ADAMTS6: variants seen among roughly 807,000 people sequenced by gnomAD.
ADAMTS6 encodes the protein ADAM metallopeptidase with thrombospondin type 1 motif 6.
In ADAMTS6, 23 loss-of-function variants were observed where a neutral mutation model predicts 144.3. The observed-to-expected ratio is 0.16, with a 90% confidence interval of 0.11 to 0.23. The LOEUF (loss-of-function observed/expected upper bound fraction) is 0.23. ADAMTS6 is among the 10% of genes least tolerant of loss of function. The pLI, the probability that ADAMTS6 is intolerant of heterozygous loss-of-function variation, is 1.00. For synonymous variants in ADAMTS6, 444 were observed against 457.5 expected (o/e 0.97, Z 0.38); for missense variants, 999 against 1,379.6 (o/e 0.72, Z 4.37).
rs548975888 is a variant in ADAMTS6 at position 65,194,151 on chromosome 5, C to T, written c.2705+2871G>A. On this transcript the variant is annotated intron_variant, in intron 21 of 24. Coordinates refer to ENST00000381055, the MANE Select transcript of ADAMTS6 (RefSeq NM_197941.4). ...AGTAGCCTTTCTATGATTTCTATCT[C>T]TATAATACCAATGTCAACTGGGAAT... Among the ~76,000 whole-genome samples the T allele has an allele frequency of 3.3e-5, 5 of 152,286 alleles. No individual in the cohort carries two copies. The East Asian group carries it at 9.6e-4, about 29-fold the overall frequency.
intron 17 of ADAMTS6, 87 bp downstream of exon 17, chr5:65,224,837 T>A: frequency 7.0e-7 from 1 of 1,438,032 alleles, no homozygotes; most frequent in Non-Finnish European, 9.2e-7. Flanking sequence ...AATAAAGAAA[T>A]CTGAAAAACA....
intron 9 of ADAMTS6, among the ~76,000 whole-genome samples, chr5:65,312,146 C>T (rs1744553503): frequency 6.6e-6 from 1 of 151,948 alleles, no homozygotes; most frequent in Non-Finnish European, 1.5e-5. Flanking sequence ...ACAGTTTCCT[C>T]ATGCTGTTTA....
intron 11 of ADAMTS6, among the ~76,000 whole-genome samples, chr5:65,290,083 A>C (rs1341806790): frequency 6.6e-6 from 1 of 152,222 alleles, no homozygotes; most frequent in Admixed American, 6.5e-5. Context: ...TGTGCTGCTA[A>C]AGCCTAACAA....
intron 7 of ADAMTS6, among the ~76,000 whole-genome samples, chr5:65,434,638 T>C (rs1236518879): frequency 1.3e-5 from 2 of 152,180 alleles, no homozygotes; most frequent in East Asian, 3.8e-4. Flanking sequence ...TCCCTTATTG[T>C]TTACTAGTAA....
intron 23 of ADAMTS6, among the ~76,000 whole-genome samples, chr5:65,171,925 A>T (rs1753651025): frequency 6.6e-6 from 1 of 151,866 alleles, no homozygotes; most frequent in South Asian, 2.1e-4. Context: ...AGCTGGGTTA[A>T]TCTATGGGCC....
At chr5:65,386,750 C>T (rs1167534763) in intron 7 of ADAMTS6, among the ~76,000 whole-genome samples, 4 of 152,042 alleles carry the variant, frequency 2.6e-5, no homozygotes, top group African/African-American at 9.7e-5. Context: ...ACCACACCCA[C>T]TAATTTTTGT....
Position 65,314,890 on chromosome 5 carries a change from T to C in ADAMTS6, c.1223+14488A>G, listed in dbSNP as rs375993504. On this transcript the variant is annotated intron_variant, in intron 9 of 24. Coordinates refer to ENST00000381055, the MANE Select transcript of ADAMTS6 (RefSeq NM_197941.4). ...GACATCGCTCAGGAACTTAGGTCTA[T>C]ATACAGAAAGGAAGGACATCAAAAA... Among the ~76,000 whole-genome samples the C allele has an allele frequency of 2.4e-4, 36 of 152,246 alleles. No individual in the cohort carries two copies. The Middle Eastern group carries it at 0.027, about 115-fold the overall frequency.
chr5:65,458,848 T>C (rs1463734371), intron 4 of ADAMTS6, among the ~76,000 whole-genome samples: 1 of 152,208 alleles, frequency 6.6e-6, no homozygotes, highest in African/African-American at 2.4e-5. Context: ...TTTGTTAATA[T>C]AATAACACTT....
At chr5:65,196,686 A>G (rs1482779533) in intron 21 of ADAMTS6, among the ~76,000 whole-genome samples, 1 of 152,040 alleles carries the variant, frequency 6.6e-6, no homozygotes, top group African/African-American at 2.4e-5. Flanking sequence ...TTATAGTAAG[A>G]CACCATTAGC....
At chr5:65,294,169 G>A (rs575786446) in intron 10 of ADAMTS6, among the ~76,000 whole-genome samples, 2 of 152,296 alleles carry the variant, frequency 1.3e-5, no homozygotes, top group African/African-American at 4.8e-5. Flanking sequence ...GGTATATACA[G>A]TAAAACCTTG....
At chr5:65,187,982 C>T (rs766587818) in intron 22 of ADAMTS6, 34 bp downstream of exon 22, 12 of 1,607,650 alleles carry the variant, frequency 7.5e-6, no homozygotes, top group Non-Finnish European at 1.0e-5. Context: ...TAGGACATTT[C>T]AAAACATATA....
intron 14 of ADAMTS6, among the ~76,000 whole-genome samples, chr5:65,254,073 G>A (rs1478498930): frequency 6.6e-6 from 1 of 151,830 alleles, no homozygotes; most frequent in Non-Finnish European, 1.5e-5. Context: ...TCGAACTCCT[G>A]ACCTCAAGTG....
At chr5:65,449,786 T>TACTTTGCA (rs1327301789) in intron 7 of ADAMTS6, among the ~76,000 whole-genome samples, 1 of 152,186 alleles carries the variant, frequency 6.6e-6, no homozygotes, top group African/African-American at 2.4e-5. Context: ...CAGCTGAATG[T>TACTTTGCA]TGTAGCCAGT....
Position 65,452,812 on chromosome 5 carries a change from C to T in ADAMTS6, c.738G>A (p.Val246=). The T allele has an allele frequency of 6.2e-7, 1 of 1,614,100 alleles. No homozygotes were observed. The highest frequency in any genetic ancestry group is 8.5e-7 in the Non-Finnish European group (1 of 1,179,984). Reference sequence around the variant, plus strand: ...ATGTCTCCACAAACCGTTCAATGCTCACTGATCTCTTCTGTCTGTGGTGGA... The same window carrying T: ...ATGTCTCCACAAACCGTTCAATGCTTACTGATCTCTTCTGTCTGTGGTGGA... The part of the protein sequence containing the change: ...THIHHRQKRS[V]SIERFVETLV... The change falls in exon 5 of 25, where the codon GTG becomes GTA. Residue 246 remains valine (V), a synonymous_variant. Coordinates refer to ENST00000381055, the MANE Select transcript of ADAMTS6 (RefSeq NM_197941.4).
chr5:65,380,042 G>A (rs1204003575), intron 7 of ADAMTS6, among the ~76,000 whole-genome samples: 2 of 151,330 alleles, frequency 1.3e-5, no homozygotes, highest in Admixed American at 6.6e-5. Flanking sequence ...TCCATTTTCC[G>A]TGACAGCATA....
At chr5:65,238,554 T>G (rs1171194120) in intron 15 of ADAMTS6, among the ~76,000 whole-genome samples, 1 of 151,260 alleles carries the variant, frequency 6.6e-6, no homozygotes, top group Non-Finnish European at 1.5e-5. Flanking sequence ...GAGCCGAGAT[T>G]GCGCCACTGC....
chr5:65,336,999 T>G (rs988477755), intron 7 of ADAMTS6, among the ~76,000 whole-genome samples: 18 of 152,112 alleles, frequency 1.2e-4, no homozygotes, highest in African/African-American at 4.1e-4. Context: ...TATCATGGAA[T>G]AGCAGAAACA....
intron 7 of ADAMTS6, among the ~76,000 whole-genome samples, chr5:65,355,952 T>C (rs950188589): frequency 6.6e-6 from 1 of 151,860 alleles, no homozygotes; most frequent in Non-Finnish European, 1.5e-5. Flanking sequence ...TGTTTCCTGT[T>C]ATCCCCTAAT....
chr5:65,220,634 C>T (rs1757255581), intron 18 of ADAMTS6, among the ~76,000 whole-genome samples: 1 of 152,134 alleles, frequency 6.6e-6, no homozygotes, highest in African/African-American at 2.4e-5. Context: ...GTAGTCCCAG[C>T]TACTCGGGAG....
Sources: gnomAD v4.1 joint callset for allele counts (sites outside exome capture counted in the v4.1 genomes callset) on GRCh38, gnomAD v4.1.1 for gene constraint, MANE v1.5 for transcripts, NCBI Gene and HGNC (gene_info 2026-07-23, HGNC 2026-07-21) for gene names.